Variants in MED13 observed in about 807,000 individuals in gnomAD.
MED13 encodes mediator of RNA polymerase II transcription subunit 13.
MED13 carries 23 observed loss-of-function variants against 225.2 expected under a neutral mutation model. The observed-to-expected ratio is 0.10, with a 90% CI of 0.07 to 0.14. MED13 has a LOEUF of 0.14. Among genes scored for constraint, MED13 ranks in the 10% least tolerant of loss-of-function variants. The probability of loss-of-function intolerance (pLI) is 1.00; values close to 1 mark genes in which losing one functional copy is unlikely to be tolerated. For synonymous variants in MED13, 942 were observed against 889.2 expected (o/e 1.06, Z -1.06); for missense variants, 2,197 against 2,594.5 (o/e 0.85, Z 3.33).
intron 8 of MED13, among the ~76,000 whole-genome samples, chr17:62,023,800 A>G (rs192667599): frequency 9.3e-4 from 142 of 152,320 alleles, no homozygotes; most frequent in African/African-American, 3.3e-3. Context: ...CTCACTGTCT[A>G]TCTGTCTTAC....
intron 11 of MED13, among the ~76,000 whole-genome samples, chr17:61,987,668 C>T (rs775198890): frequency 6.6e-6 from 1 of 152,084 alleles, no homozygotes; most frequent in African/African-American, 2.4e-5. Flanking sequence ...TAGCTAAGTA[C>T]TCTACATGAA....
intron 16 of MED13, among the ~76,000 whole-genome samples, chr17:61,978,675 T>C (rs1188757101): frequency 2.0e-5 from 3 of 152,218 alleles, no homozygotes; most frequent in Non-Finnish European, 1.5e-5. Context: ...AGAGTCATGG[T>C]AGTATATAGT....
chr17:61,978,590 T>C (rs2080177150), intron 16 of MED13, among the ~76,000 whole-genome samples: 1 of 152,186 alleles, frequency 6.6e-6, no homozygotes, highest in Non-Finnish European at 1.5e-5. Flanking sequence ...AATCTATTAT[T>C]GACCCTATTT....
rs2080195546 is a variant in MED13 at position 61,980,610 on chromosome 17, C to T, written c.3805+1588G>A. Among the ~76,000 whole-genome samples, 3 of 152,172 alleles carry T rather than the reference C, an allele frequency of 2.0e-5. No individual in the cohort carries two copies. In the South Asian group the frequency reaches 6.2e-4, roughly 32 times the overall value. ...GTTCTATTTCCCAAATAACCTAAAA[C>T]CTATTACTTACATCTCGCTGGCCTC... On this transcript the variant is annotated intron_variant, in intron 16 of 29. Coordinates refer to ENST00000397786, the MANE Select transcript of MED13 (RefSeq NM_005121.3).
At chr17:62,033,182 TA>T (rs545754982) in intron 5 of MED13, among the ~76,000 whole-genome samples, 2 of 151,598 alleles carry the variant, frequency 1.3e-5, no homozygotes, top group Non-Finnish European at 1.5e-5. Flanking sequence ...AAATAAATAA[TA>T]AAAAAATATA....
At position 61,945,292 on chromosome 17, in the gene MED13, TCAAA is replaced by T. The variant is rs1394098675; in HGVS notation, c.*1172_*1175del. 2.0e-5 allele frequency: 3 copies of T among 151,666 alleles called. No homozygotes were observed. The highest frequency in any genetic ancestry group is 4.4e-5 in the Non-Finnish European group (3 of 67,852). 9.4% of individuals were successfully genotyped at this position (151,666 alleles called of 1,614,324 possible). On this transcript the variant is annotated 3_prime_UTR_variant, in exon 30 of 30. Coordinates refer to ENST00000397786, the MANE Select transcript of MED13 (RefSeq NM_005121.3). ...CCAATCTTTAATTTAAAAAAAAAAG[TCAAA>T]CAATCAAGAATGACTGCTTGAAAAA...
intron 23 of MED13, among the ~76,000 whole-genome samples, chr17:61,960,534 G>A (rs1008695429): frequency 5.3e-5 from 8 of 152,122 alleles, no homozygotes; most frequent in Non-Finnish European, 1.2e-4. Flanking sequence ...GATGGTACAT[G>A]AGAAAAGTTT....
rs1430412267 is a variant in MED13, at chr17:61,985,136, T to G, written c.2386-46A>C. On this transcript the variant is annotated intron_variant, in intron 12 of 29. Transcript: ENST00000397786. Reference sequence around the variant, plus strand: ...TTTATCTAAAATTTTACATCCAATGTGATCTCAAAATAGTAATCATTCAGA... The same window carrying G: ...TTTATCTAAAATTTTACATCCAATGGGATCTCAAAATAGTAATCATTCAGA... 2.0e-6 allele frequency: 3 copies of G among 1,470,818 alleles called. No individual in the cohort carries two copies. In the South Asian group the frequency reaches 3.5e-5, roughly 17 times the overall value. The allele number at this position is 1,470,818 out of a possible 1,614,324, so 91.1% of individuals were successfully genotyped here. A position where few individuals can be genotyped will look rare whatever the true frequency, so the allele number is the denominator to read the frequency against.
chr17:61,994,892 T>C (rs1276987973), intron 10 of MED13, among the ~76,000 whole-genome samples: 1 of 151,986 alleles, frequency 6.6e-6, no homozygotes, highest in East Asian at 1.9e-4. Context: ...TGTATTTTTA[T>C]TAGAGACAGG....
chr17:62,010,339 C>T (rs2080494700), intron 9 of MED13: 1 of 387,396 alleles, frequency 2.6e-6, no homozygotes, highest in Non-Finnish European at 4.5e-6. Flanking sequence ...AGTGTTTACA[C>T]ATTATTTTCT....
At chr17:62,061,579 T>G (rs1324516911) in intron 2 of MED13, among the ~76,000 whole-genome samples, 1 of 152,214 alleles carries the variant, frequency 6.6e-6, no homozygotes, top group Non-Finnish European at 1.5e-5. Context: ...TTTATAGTTT[T>G]TCAACAATGT....
chr17:61,948,374 C>T (rs2143276478), intron 28 of MED13, among the ~76,000 whole-genome samples: 1 of 152,286 alleles, frequency 6.6e-6, no homozygotes, highest in Non-Finnish European at 1.5e-5. Context: ...TAGATAGTCC[C>T]TTGGACTTTT....
At chr17:62,032,068 C>A (rs565024341) in intron 5 of MED13, among the ~76,000 whole-genome samples, 60 of 151,762 alleles carry the variant, frequency 4.0e-4, no homozygotes, top group Non-Finnish European at 7.1e-4. Flanking sequence ...ATTTTAAAAG[C>A]CTAAAAAATG....
rs769385997 is a variant in MED13 at position 62,031,644 on chromosome 17, A to G, written c.815-6T>C. The G allele has an allele frequency of 3.3e-6, 5 of 1,536,240 alleles. No individual in the cohort carries two copies. The East Asian group carries it at 1.2e-4, about 37-fold the overall frequency. On this transcript the variant is annotated splice_polypyrimidine_tract_variant and splice_region_variant and intron_variant, in intron 5 of 29. Transcript: ENST00000397786. ...GTAGATCATTCGGACACCAGCTGAA[A>G]GGAAAAAAATGGGACAGGAAAACCA... is the stretch of plus-strand genomic sequence containing the variant.
At chr17:62,059,859 G>A (rs764879113) in intron 2 of MED13, among the ~76,000 whole-genome samples, 1 of 152,104 alleles carries the variant, frequency 6.6e-6, no homozygotes, top group Non-Finnish European at 1.5e-5. Context: ...TTTAAGAAAA[G>A]CTAAAATATT....
intron 29 of MED13, 90 bp from the exon 30 acceptor site, chr17:61,946,690 G>T: frequency 2.0e-6 from 3 of 1,481,796 alleles, no homozygotes; most frequent in Non-Finnish European, 2.8e-6. Context: ...AAGACTCAAA[G>T]TCACCTTAAA....
chr17:62,057,908 GGA>G, intron 2 of MED13, among the ~76,000 whole-genome samples: 1 of 152,048 alleles, frequency 6.6e-6, no homozygotes, highest in Non-Finnish European at 1.5e-5. Context: ...ATGACAAATG[GGA>G]GAGGACGCAG....
intron 23 of MED13, 34 bp downstream of exon 23, chr17:61,960,833 G>T (rs1295080670): frequency 1.4e-6 from 2 of 1,399,638 alleles, no homozygotes; most frequent in Admixed American, 3.7e-5. Context: ...GTTACAAATG[G>T]AATGATATGA....
At position 62,048,043 on chromosome 17, in the gene MED13, C is replaced by CATATATATATATAT. The variant is rs397803988; in HGVS notation, c.470+4480_470+4493dup. Among the ~76,000 whole-genome samples, 8 of 131,140 alleles carry CATATATATATATAT rather than the reference C, an allele frequency of 6.1e-5. No individual in the cohort carries two copies. In the East Asian group the frequency reaches 9.9e-4, roughly 16 times the overall value. The allele number at this position is 131,140 out of a possible 152,430, so 86.0% of individuals were successfully genotyped here. A position where few individuals can be genotyped will look rare whatever the true frequency, so the allele number is the denominator to read the frequency against. On this transcript the variant is annotated intron_variant, in intron 3 of 29. Coordinates refer to ENST00000397786, the MANE Select transcript of MED13 (RefSeq NM_005121.3). ...ATATATACATATACATATACATATA[C>CATATATATATATAT]ATATATATATATATATATATGTATA...
Sources: allele counts gnomAD v4.1 joint callset (sites outside exome capture counted in the v4.1 genomes callset), GRCh38; gene constraint gnomAD v4.1.1; transcripts MANE v1.5; gene names NCBI Gene and HGNC (gene_info 2026-07-23, HGNC 2026-07-21).